Variants in FBP2 observed in about 807,000 individuals in gnomAD.
FBP2 encodes fructose-bisphosphatase 2, also known as fructose-1,6-bisphosphatase isozyme 2.
FBP2 carries 27 observed loss-of-function variants against 31.6 expected under a neutral mutation model. That is an observed-to-expected ratio of 0.85 (90% CI 0.63 to 1.18). FBP2 has a LOEUF of 1.18. Ranked by LOEUF, FBP2 falls within the 50% of genes most tolerant of loss-of-function variation. FBP2 has a pLI of 0.00. For missense variants in FBP2, 421 were observed against 436.1 expected (o/e 0.97, Z 0.31); for synonymous variants, 168 against 179.8 (o/e 0.93, Z 0.53).
In FBP2 at chr9:94,563,477, C is replaced by G. The variant is rs770749332; in HGVS notation, c.706-16G>C. On this transcript the variant is annotated splice_polypyrimidine_tract_variant and intron_variant, in intron 5 of 6. Transcript: ENST00000375337. ...CACTGCCATCCTAGAAGACAGAAAG[C>G]GAAGAGACAAGATCCAGTGGCTTTC... 4 of 1,610,732 alleles carry G rather than the reference C, an allele frequency of 2.5e-6. No individual in the cohort carries two copies. Among genetic ancestry groups the G allele is most frequent in the Admixed American group, 1.7e-5 (1 of 59,728 alleles).
In FBP2 at chr9:94,590,710, T is replaced by G. The variant is rs150961920; in HGVS notation, c.170+2847A>C. ...GAGCGAAAGAACAAAGCCTCCACAG[T>G]GTGGAAAGAGACCCAAACGGGTTGC... On this transcript the variant is annotated intron_variant, in intron 1 of 6. Coordinates refer to ENST00000375337, the MANE Select transcript of FBP2 (RefSeq NM_003837.4). 8.2e-3 allele frequency among the ~76,000 whole-genome samples: 1,252 copies of G among 152,220 alleles called. 45 individuals are homozygous for G. The highest frequency in any genetic ancestry group is 0.066 in the Admixed American group (1,004 of 15,296).
intron 4 of FBP2, chr9:94,567,748 CG>C (rs1374492498): frequency 8.4e-6 from 2 of 238,052 alleles, no homozygotes; most frequent in African/African-American, 4.4e-5. Context: ...AGTTCTCACC[CG>C]CAGATTAATG....
intron 3 of FBP2, among the ~76,000 whole-genome samples, chr9:94,581,396 A>C (rs916263942): frequency 6.6e-6 from 1 of 152,214 alleles, no homozygotes; most frequent in Non-Finnish European, 1.5e-5. Context: ...AGATTTGTAG[A>C]TAAGTCAATT....
intron 5 of FBP2, among the ~76,000 whole-genome samples, chr9:94,566,468 CCCTT>C (rs1827191403): frequency 6.6e-6 from 1 of 152,272 alleles, no homozygotes; most frequent in Non-Finnish European, 1.5e-5. Flanking sequence ...TTTGGCCCAT[CCCTT>C]CCTTTCCCAT....
chr9:94,563,847 T>C (rs919054593), intron 5 of FBP2, among the ~76,000 whole-genome samples: 2 of 152,034 alleles, frequency 1.3e-5, no homozygotes, highest in African/African-American at 4.8e-5. Flanking sequence ...AATCCTAATT[T>C]CAGACAAAAT....
intron 1 of FBP2, among the ~76,000 whole-genome samples, chr9:94,588,835 G>A (rs368371095): frequency 1.3e-5 from 2 of 152,048 alleles, no homozygotes; most frequent in African/African-American, 2.4e-5. Context: ...ATGGCTGCCC[G>A]TCTCTCTCAT....
chr9:94,591,191 G>C (rs1044641726), intron 1 of FBP2, among the ~76,000 whole-genome samples: 2 of 152,268 alleles, frequency 1.3e-5, no homozygotes, highest in African/African-American at 4.8e-5. Flanking sequence ...CTGTGGAGCG[G>C]GGGGTGGCGC....
chr9:94,560,982 A>G (rs1171442108), intron 6 of FBP2, among the ~76,000 whole-genome samples: 1 of 152,072 alleles, frequency 6.6e-6, no homozygotes, highest in Non-Finnish European at 1.5e-5. Flanking sequence ...GTTGTGGTGC[A>G]TGCGGGCTGT....
intron 3 of FBP2, among the ~76,000 whole-genome samples, chr9:94,580,967 TGA>T (rs1310199205): frequency 6.6e-6 from 1 of 152,222 alleles, no homozygotes; most frequent in Non-Finnish European, 1.5e-5. Flanking sequence ...CCTGCTTTAA[TGA>T]GACACAAGGA....
At chr9:94,584,733 T>C in intron 2 of FBP2, 64 bp from the exon 3 acceptor site, 1 of 1,007,142 alleles carries the variant, frequency 9.9e-7, no homozygotes, top group African/African-American at 1.6e-5. Flanking sequence ...TTGCTCTGTG[T>C]CAGGGCTGTG....
At chr9:94,591,713 G>T (rs1172448297) in intron 1 of FBP2, among the ~76,000 whole-genome samples, 1 of 152,146 alleles carries the variant, frequency 6.6e-6, no homozygotes. Context: ...CGTGTCTTAC[G>T]GGGCCGGCAC....
intron 3 of FBP2, among the ~76,000 whole-genome samples, chr9:94,578,347 C>T (rs1357887388): frequency 6.6e-6 from 1 of 152,084 alleles, no homozygotes; most frequent in East Asian, 1.9e-4. Context: ...AAATGGTTAA[C>T]AGGGAAATAA....
At chr9:94,581,217 T>C (rs139591177) in intron 3 of FBP2, among the ~76,000 whole-genome samples, 35 of 152,270 alleles carry the variant, frequency 2.3e-4, no homozygotes, top group African/African-American at 7.9e-4. Flanking sequence ...CTAAAGACTA[T>C]AGTGGAAGAA....
At chr9:94,563,075 G>C (rs1432153745) in intron 6 of FBP2, among the ~76,000 whole-genome samples, 1 of 152,238 alleles carries the variant, frequency 6.6e-6, no homozygotes, top group African/African-American at 2.4e-5. Flanking sequence ...ACACACAGCT[G>C]GTTCATGGTG....
At chr9:94,584,787 C>T in intron 2 of FBP2, 118 bp from the exon 3 acceptor site, 1 of 670,548 alleles carries the variant, frequency 1.5e-6, no homozygotes. Context: ...AGAACCACAG[C>T]ATATCTTTAT....
At chr9:94,565,273 G>A (rs1010430998) in intron 5 of FBP2, among the ~76,000 whole-genome samples, 1 of 151,462 alleles carries the variant, frequency 6.6e-6, no homozygotes, top group Non-Finnish European at 1.5e-5. Context: ...TACTCGGGAG[G>A]CTGAGGCAGG....
intron 2 of FBP2, 137 bp from the exon 3 acceptor site, chr9:94,584,806 AC>A: frequency 3.1e-6 from 2 of 640,408 alleles, no homozygotes; most frequent in Non-Finnish European, 2.8e-6. Flanking sequence ...ATCAAAAAAC[AC>A]CATGACTTAC....
chr9:94,578,863 C>A (rs1315467458), intron 3 of FBP2, among the ~76,000 whole-genome samples: 1 of 151,558 alleles, frequency 6.6e-6, no homozygotes, highest in East Asian at 1.9e-4. Flanking sequence ...ACCATCCTGG[C>A]TAACACGGTG....
intron 3 of FBP2, among the ~76,000 whole-genome samples, chr9:94,580,277 C>A (rs995227783): frequency 2.6e-5 from 4 of 152,234 alleles, no homozygotes; most frequent in African/African-American, 9.6e-5. Flanking sequence ...GTTGCTCAGG[C>A]TGCAGTACAG....
Sources: gnomAD v4.1 joint callset for allele counts (sites outside exome capture counted in the v4.1 genomes callset) on GRCh38, gnomAD v4.1.1 for gene constraint, MANE v1.5 for transcripts, NCBI Gene and HGNC (gene_info 2026-07-23, HGNC 2026-07-21) for gene names.